The following TIAM2 variants were observed in gnomAD, a reference collection of about 807,000 sequenced individuals.
TIAM2 encodes the protein rho guanine nucleotide exchange factor TIAM2.
A neutral mutation model predicts 152.9 loss-of-function variants in TIAM2; 80 were observed. The observed-to-expected ratio is 0.52, with a 90% CI of 0.44 to 0.63. The LOEUF is 0.63. Ranked by LOEUF, TIAM2 falls within the 30% of genes least tolerant of loss-of-function variation. The pLI is 0.00. For missense variants in TIAM2, 1,965 were observed against 2,120.1 expected (o/e 0.93, Z 1.44); for synonymous variants, 804 against 838.0 (o/e 0.96, Z 0.70).
At chr6:155,096,973 G>A (rs1778429034) in intron 2 of TIAM2, among the ~76,000 whole-genome samples, 1 of 152,196 alleles carries the variant, frequency 6.6e-6, no homozygotes, top group African/African-American at 2.4e-5. Flanking sequence ...TTCAAAGAGT[G>A]TACAAGGGTT....
intron 15 of TIAM2, among the ~76,000 whole-genome samples, chr6:155,224,234 G>A (rs962614639): frequency 6.6e-6 from 1 of 152,224 alleles, no homozygotes; most frequent in Non-Finnish European, 1.5e-5. Context: ...TTGTGATAAA[G>A]TTCCGGCTCC....
intron 16 of TIAM2, among the ~76,000 whole-genome samples, chr6:155,242,914 C>CTT (rs35279067): frequency 7.9e-6 from 1 of 126,520 alleles, no homozygotes; most frequent in Non-Finnish European, 1.7e-5. Context: ...TTTTTTTTTT[C>CTT]TTTTTTTTAG....
intron 7 of TIAM2, among the ~76,000 whole-genome samples, chr6:155,151,214 T>C (rs1295867449): frequency 6.6e-6 from 1 of 152,192 alleles, no homozygotes; most frequent in African/African-American, 2.4e-5. Context: ...GCAGAGCAGG[T>C]CGAGCTGCCT....
intron 7 of TIAM2, among the ~76,000 whole-genome samples, chr6:155,155,100 T>C (rs1780073373): frequency 6.6e-6 from 1 of 151,620 alleles, no homozygotes; most frequent in Non-Finnish European, 1.5e-5. Context: ...CTTTATTCAA[T>C]AGGCAATAGG....
chr6:155,154,312 C>T lies in TIAM2; in HGVS notation c.2028+5978C>T, dbSNP rs143084686. On this transcript the variant is annotated intron_variant, in intron 7 of 26. Coordinates refer to ENST00000682666, the MANE Select transcript of TIAM2 (RefSeq NM_012454.4). ...ATCATGCAACAGAAATTCTCTGGAA[C>T]AGGTTTTCTTCGAAGTACGTGGGTG... Among the ~76,000 whole-genome samples, 124 of 152,286 alleles carry T rather than the reference C, an allele frequency of 8.1e-4. 1 individual carries two copies. In the East Asian group the frequency reaches 0.023, roughly 28 times the overall value.
At chr6:155,147,835 T>C (rs1283718696) in intron 6 of TIAM2, among the ~76,000 whole-genome samples, 1 of 152,204 alleles carries the variant, frequency 6.6e-6, no homozygotes, top group Non-Finnish European at 1.5e-5. Context: ...GTCTCCCCTG[T>C]TGTTCTTATC....
chr6:155,126,702 G>T (rs1325679439), intron 2 of TIAM2, among the ~76,000 whole-genome samples: 2 of 151,846 alleles, frequency 1.3e-5, no homozygotes, highest in Non-Finnish European at 2.9e-5. Context: ...CTGCACTCCC[G>T]CCTGGGCAAG....
chr6:155,252,109 A>G, intron 23 of TIAM2, 106 bp downstream of exon 23: 1 of 814,234 alleles, frequency 1.2e-6, no homozygotes, highest in Non-Finnish European at 2.0e-6. Flanking sequence ...GCTGACTGAT[A>G]CTGCTTACTC....
rs1488468586 is a variant in TIAM2 at position 155,244,069 on chromosome 6, C to T, written c.3407C>T (p.Thr1136Ile). 1 of 1,613,968 alleles carries T rather than the reference C, an allele frequency of 6.2e-7. No individual in the cohort carries two copies. The highest frequency in any genetic ancestry group is 1.1e-5 in the South Asian group (1 of 91,076). The change falls in exon 17 of 27, where the codon ACC becomes ATC. Residue 1136 changes from threonine to isoleucine, a missense_variant. Physicochemically the swap from Thr to Ile is moderately conservative, Grantham distance 89. This residue lies in a region of TIAM2 where 935 missense variants were observed against 980.0 expected (regional missense o/e 0.95). Transcript: ENST00000682666. ...CCACTTCAGAATGAGACCTTTCTTA[C>T]CCAAGATGAGGTAAATAAAATCACC... ...LEPLQNETFL[T>I]QDEMESLFGS...
chr6:155,114,036 A>ATATATATATATATTTT, intron 2 of TIAM2, among the ~76,000 whole-genome samples: 24 of 34,898 alleles, frequency 6.9e-4, no homozygotes, highest in South Asian at 1.4e-3. Context: ...ATATATATAT[A>ATATATATATATATTTT]TTTTTTTTTT....
intron 14 of TIAM2, among the ~76,000 whole-genome samples, chr6:155,189,298 C>T (rs1053989163): frequency 6.6e-6 from 1 of 151,926 alleles, no homozygotes; most frequent in Non-Finnish European, 1.5e-5. Flanking sequence ...TGGCTGATAC[C>T]CCAGATTTCC....
chr6:155,091,347 C>T (rs570435280), intron 2 of TIAM2, among the ~76,000 whole-genome samples: 1 of 152,332 alleles, frequency 6.6e-6, no homozygotes, highest in African/African-American at 2.4e-5. Flanking sequence ...GGAACCTTCT[C>T]TGCCTGGTTC....
At chr6:155,048,852 G>A (rs1376212052) in intron 1 of TIAM2, among the ~76,000 whole-genome samples, 1 of 151,536 alleles carries the variant, frequency 6.6e-6, no homozygotes, top group Non-Finnish European at 1.5e-5. Flanking sequence ...CCTGGCTGGA[G>A]TGCAGTGGTG....
At chr6:155,055,378 A>G (rs761738680) in intron 1 of TIAM2, among the ~76,000 whole-genome samples, 4 of 152,228 alleles carry the variant, frequency 2.6e-5, no homozygotes, top group Non-Finnish European at 4.4e-5. Flanking sequence ...GAAGTTCCTG[A>G]GGAATCCATT....
intron 14 of TIAM2, among the ~76,000 whole-genome samples, chr6:155,192,011 A>C (rs1781217217): frequency 6.6e-6 from 1 of 152,088 alleles, no homozygotes. Context: ...CTATCTTGAG[A>C]TGGGGGATGG....
chr6:155,023,810 A>C (rs1021195146), intron 1 of TIAM2, among the ~76,000 whole-genome samples: 2 of 152,122 alleles, frequency 1.3e-5, no homozygotes, highest in Non-Finnish European at 2.9e-5. Context: ...TCCGTAAACC[A>C]CTTGTTGAGC....
chr6:155,019,676 G>A (rs562636804), intron 1 of TIAM2, among the ~76,000 whole-genome samples: 10 of 152,314 alleles, frequency 6.6e-5, no homozygotes, highest in African/African-American at 2.2e-4. Context: ...TGGGCCTACC[G>A]GCCAGCTGGC....
chr6:155,148,007 A>G, intron 6 of TIAM2, 103 bp from the exon 7 acceptor site: 1 of 1,127,878 alleles, frequency 8.9e-7, no homozygotes, highest in Non-Finnish European at 1.3e-6. Context: ...TATGCAGTGC[A>G]AGTACTTCTT....
chr6:155,120,756 T>C (rs77628543), intron 2 of TIAM2, among the ~76,000 whole-genome samples: 1 of 152,226 alleles, frequency 6.6e-6, no homozygotes, highest in African/African-American at 2.4e-5. Context: ...TCCTGTATGT[T>C]GTACGGGGTT....
Sources: gnomAD v4.1 joint callset for allele counts (sites outside exome capture counted in the v4.1 genomes callset) on GRCh38, gnomAD v4.1.1 for gene constraint, gnomAD v4.1.1 regional missense constraint, MANE v1.5 for transcripts, NCBI Gene and HGNC (gene_info 2026-07-23, HGNC 2026-07-21) for gene names.